Variants in SNX5 observed in about 807,000 individuals in gnomAD.
The protein encoded by SNX5 is sorting nexin 5, also known as sorting nexin-5.
A neutral mutation model predicts 53.9 loss-of-function variants in SNX5; 31 were observed. The observed-to-expected ratio is 0.58, with a 90% CI of 0.43 to 0.78. The LOEUF is 0.78. Ranked by LOEUF, SNX5 falls within the 30% of genes least tolerant of loss-of-function variation. The pLI is 0.00. For missense variants in SNX5, 471 were observed against 478.8 expected (o/e 0.98, Z 0.15); for synonymous variants, 168 against 171.1 (o/e 0.98, Z 0.14).
chr20:17,963,447 A>C (rs571422470), intron 1 of SNX5, among the ~76,000 whole-genome samples: 1 of 152,224 alleles, frequency 6.6e-6, no homozygotes, highest in Non-Finnish European at 1.5e-5. Context: ...GCCTGGGAGC[A>C]GGCCGAGACC....
intron 1 of SNX5, among the ~76,000 whole-genome samples, chr20:17,963,931 A>G (rs2035497176): frequency 6.6e-6 from 1 of 152,132 alleles, no homozygotes; most frequent in Non-Finnish European, 1.5e-5. Context: ...AGGTACAGCA[A>G]ATTTCCCAAA....
Position 17,950,167 on chromosome 20 carries a change from A to G in SNX5, c.756T>C (p.His252=), listed in dbSNP as rs1422988314. The G allele has an allele frequency of 6.2e-7, 1 of 1,614,218 alleles. No individual in the cohort carries two copies. Among genetic ancestry groups the G allele is most frequent in the Admixed American group, 1.7e-5 (1 of 60,032 alleles). ...DDYIHTAACL[H]SLALEEPTVI... is the part of the protein sequence containing the mutation. Reference sequence around the variant, plus strand: ...CTGTGGGCTCTTCTAAAGCCAGGCTATGTAAGCAGGCTGCGGTGTGGATAT... The same window carrying G: ...CTGTGGGCTCTTCTAAAGCCAGGCTGTGTAAGCAGGCTGCGGTGTGGATAT... Residue 252 remains histidine, a synonymous_variant, in exon 8 of 13, where the codon CAT becomes CAC. Transcript: ENST00000377759.
At position 17,942,375 on chromosome 20, in the gene SNX5, G is replaced by C. The variant is rs1424987446; in HGVS notation, c.1197C>G (p.Asp399Glu). The change falls in exon 13 of 13, where the codon GAC (aspartate) becomes GAG (glutamate). Residue 399 changes from aspartate (D) to glutamate (E), a missense_variant. Physicochemically the swap from Asp to Glu is conservative, Grantham distance 45. Transcript: ENST00000377759. Reference protein sequence around the residue: ...NNVSLLQSCIDLFKNN With the variant: ...NNVSLLQSCIELFKNN ...AGGCATATCAGTTATTCTTGAACAA[G>C]TCAATACAGCTCTGCAAAAGGGAGA... 2.5e-6 allele frequency: 4 copies of C among 1,610,480 alleles called. No homozygotes were observed. The highest frequency in any genetic ancestry group is 3.4e-6 in the Non-Finnish European group (4 of 1,176,908).
intron 6 of SNX5, 109 bp downstream of exon 6, chr20:17,951,391 T>C: frequency 4.3e-6 from 3 of 696,066 alleles, no homozygotes; most frequent in Non-Finnish European, 5.1e-6. Context: ...AACACTTACA[T>C]GTCTTAAAAG....
chr20:17,949,539 C>T (rs1342167773), intron 8 of SNX5, among the ~76,000 whole-genome samples: 1 of 152,186 alleles, frequency 6.6e-6, no homozygotes, highest in Non-Finnish European at 1.5e-5. Context: ...TATTGTCTTA[C>T]ACCAGAAATG....
At chr20:17,963,689 G>A (rs1379234412) in intron 1 of SNX5, among the ~76,000 whole-genome samples, 6 of 152,284 alleles carry the variant, frequency 3.9e-5, no homozygotes, top group African/African-American at 1.4e-4. Context: ...ATGTGGATGA[G>A]GGTGTTGAAG....
chr20:17,955,398 A>T lies in SNX5; in HGVS notation c.234T>A (p.Thr78=). Residue 78 remains threonine (T), a synonymous_variant, in exon 3 of 13, where the codon ACT becomes ACA. Transcript: ENST00000377759. ...QHEDFVWLHD[T]LIETTDYAGL... ...CAGCATAGTCTGTTGTTTCAATAAG[A>T]GTGTCATGTAGCCACACAAAGTCTT... 6.2e-7 allele frequency: 1 copy of T among 1,613,912 alleles called. No individual in the cohort carries two copies. The highest frequency in any genetic ancestry group is 8.5e-7 in the Non-Finnish European group (1 of 1,179,782).
chr20:17,956,806 T>C (rs2035368898), intron 2 of SNX5, 127 bp downstream of exon 2: 1 of 599,484 alleles, frequency 1.7e-6, no homozygotes, highest in South Asian at 2.0e-5. Context: ...ATTAGGGAGG[T>C]TCTCACTTAA....
intron 1 of SNX5, 95 bp from the exon 2 acceptor site, chr20:17,957,132 G>C (rs2035375208): frequency 1.3e-6 from 1 of 765,772 alleles, no homozygotes; most frequent in South Asian, 1.4e-5. Context: ...TTTATACATA[G>C]ATCATTTAGA....
At chr20:17,946,997 T>G (rs1460357060) in intron 11 of SNX5, among the ~76,000 whole-genome samples, 1 of 152,152 alleles carries the variant, frequency 6.6e-6, no homozygotes, top group African/African-American at 2.4e-5. Flanking sequence ...ATACAGGATT[T>G]GTAAAGAGAT....
intron 3 of SNX5, 53 bp downstream of exon 3, chr20:17,955,312 A>G (rs1308769645): frequency 5.4e-6 from 7 of 1,292,398 alleles, no homozygotes; most frequent in Non-Finnish European, 1.1e-6. Context: ...CTTTTAAACT[A>G]ATGCATAGCA....
At chr20:17,951,661 C>CTGAGTAACATTT in intron 5 of SNX5, 66 bp from the exon 6 acceptor site, 2 of 1,087,922 alleles carry the variant, frequency 1.8e-6, no homozygotes, top group Non-Finnish European at 2.8e-6. Flanking sequence ...TAAAGAAGTT[C>CTGAGTAACATTT]TGAGTAACAT....
At chr20:17,960,002 A>G (rs957989765) in intron 1 of SNX5, among the ~76,000 whole-genome samples, 1 of 152,210 alleles carries the variant, frequency 6.6e-6, no homozygotes, top group African/African-American at 2.4e-5. Context: ...TACAATGCTT[A>G]CAGTGGCCGT....
At chr20:17,953,773 C>T (rs192756946) in intron 4 of SNX5, among the ~76,000 whole-genome samples, 207 of 152,258 alleles carry the variant, frequency 1.4e-3, no homozygotes, top group African/African-American at 4.6e-3. Context: ...ACTACTCTAT[C>T]GGGTATTAGT....
intron 1 of SNX5, among the ~76,000 whole-genome samples, chr20:17,960,858 T>C (rs2035436012): frequency 6.6e-6 from 1 of 151,938 alleles, no homozygotes; most frequent in Non-Finnish European, 1.5e-5. Context: ...TATTTCAGAA[T>C]TTTTAAAAAA....
intron 2 of SNX5, among the ~76,000 whole-genome samples, chr20:17,955,930 G>C (rs1331777569): frequency 6.6e-6 from 1 of 152,104 alleles, no homozygotes; most frequent in Non-Finnish European, 1.5e-5. Flanking sequence ...TGAGTAGCTG[G>C]AACTACAGGT....
chr20:17,961,006 G>C (rs148036495), intron 1 of SNX5: 3 of 378,302 alleles, frequency 7.9e-6, no homozygotes, highest in Non-Finnish European at 1.1e-5. Context: ...CAGCCTTCAC[G>C]GTAAACAAGC....
In SNX5 at chr20:17,968,436, G is replaced by A. The variant is rs2035607412; in HGVS notation, c.-11C>T. 7.8e-7 allele frequency: 1 copy of A among 1,288,356 alleles called. No individual in the cohort carries two copies. Among genetic ancestry groups the A allele is most frequent in the African/African-American group, 1.5e-5 (1 of 64,726 alleles). The allele number at this position is 1,288,356 out of a possible 1,614,324, so 79.8% of individuals were successfully genotyped here. A position where few individuals can be genotyped will look rare whatever the true frequency, so the allele number is the denominator to read the frequency against. On this transcript the variant is annotated 5_prime_UTR_variant, in exon 1 of 13. Coordinates refer to ENST00000377759, the MANE Select transcript of SNX5 (RefSeq NM_014426.4). ...GGGAACCGCGGCCATGGCGACGCGG[G>A]ACTCGAGCAGGGGCCGCCTGGCTGT...
At chr20:17,948,248 G>C (rs976954882) in intron 10 of SNX5, among the ~76,000 whole-genome samples, 1 of 152,196 alleles carries the variant, frequency 6.6e-6, no homozygotes, top group South Asian at 2.1e-4. Context: ...TCAAATAATC[G>C]TAAGTGAGCT....
Sources: allele counts gnomAD v4.1 joint callset (sites outside exome capture counted in the v4.1 genomes callset), GRCh38; gene constraint gnomAD v4.1.1; transcripts MANE v1.5; gene names NCBI Gene and HGNC (gene_info 2026-07-23, HGNC 2026-07-21).